SLC30A7: variants seen among roughly 807,000 people sequenced by gnomAD.
The protein encoded by SLC30A7 is zinc transporter 7.
SLC30A7 carries 35 observed loss-of-function variants against 46.0 expected under a neutral mutation model. The ratio of observed to expected loss-of-function variants is 0.76; its 90% CI spans 0.58 to 1.01. SLC30A7 has a LOEUF of 1.01. Ranked by LOEUF, SLC30A7 falls within the 50% of genes least tolerant of loss-of-function variation. The pLI is 0.00. For missense variants in SLC30A7, 464 were observed against 451.1 expected, an observed-to-expected ratio of 1.03 and a Z score of -0.26; for synonymous variants, 147 against 157.8, an observed-to-expected ratio of 0.93 and a Z score of 0.51.
intron 9 of SLC30A7, among the ~76,000 whole-genome samples, chr1:100,965,436 G>C (rs1377974149): frequency 6.6e-6 from 1 of 152,168 alleles, no homozygotes; most frequent in African/African-American, 2.4e-5. Context: ...TTAAGTTAAG[G>C]AAGTGTCCTT....
At chr1:100,973,063 A>G (rs1033111526) in intron 10 of SLC30A7, among the ~76,000 whole-genome samples, 1 of 151,798 alleles carries the variant, frequency 6.6e-6, no homozygotes, top group Non-Finnish European at 1.5e-5. Flanking sequence ...CACAGGAAAA[A>G]AAAAAAGAAA....
chr1:100,988,652 C>T, the SLC30A7 span, among the ~76,000 whole-genome samples: 2 of 151,644 alleles, frequency 1.3e-5, no homozygotes, highest in South Asian at 2.1e-4. Context: ...TCAAGACCAG[C>T]CTGGCCAACA....
At chr1:100,949,663 C>T (rs1434153000) in intron 8 of SLC30A7, among the ~76,000 whole-genome samples, 2 of 152,146 alleles carry the variant, frequency 1.3e-5, no homozygotes, top group Non-Finnish European at 2.9e-5. Context: ...CTGCGGTGGG[C>T]CCCTCCCAGT....
chr1:100,959,929 A>G (rs747513033), intron 8 of SLC30A7, among the ~76,000 whole-genome samples: 1 of 152,196 alleles, frequency 6.6e-6, no homozygotes, highest in African/African-American at 2.4e-5. Flanking sequence ...AGATACGGAT[A>G]TTATTGTGGA....
chr1:100,911,979 T>A (rs1006284288), intron 4 of SLC30A7, 133 bp from the exon 5 acceptor site: 29 of 726,164 alleles, frequency 4.0e-5, no homozygotes, highest in Non-Finnish European at 6.4e-5. Flanking sequence ...TTCTATCAAC[T>A]GTTTTGGGAG....
In SLC30A7 at chr1:100,909,840, C is replaced by T. The variant is rs530234019; in HGVS notation, c.297-1223C>T. ...CAGTCAAGCATTAGTTATGGGACTACAAGGGTAGATTAAAAGAAAATACTT... is the reference window on the plus strand; with the variant it reads ...CAGTCAAGCATTAGTTATGGGACTATAAGGGTAGATTAAAAGAAAATACTT... On this transcript the variant is annotated intron_variant, in intron 3 of 10. Transcript: ENST00000357650. Among the ~76,000 whole-genome samples the T allele has an allele frequency of 6.6e-5, 10 of 152,102 alleles. No homozygotes were observed. In the South Asian group the frequency reaches 2.1e-3, roughly 32 times the overall value.
chr1:100,929,858 T>C lies in SLC30A7; in HGVS notation c.842+8017T>C, dbSNP rs565889129. ...TGTAAGAGTGTGATTTTTTATTTTC[T>C]GAAAATATGATTCCTATAAGAGCTT... On this transcript the variant is annotated intron_variant, in intron 8 of 10. Transcript: ENST00000357650. 1.4e-4 allele frequency among the ~76,000 whole-genome samples: 21 copies of C among 152,256 alleles called. No individual in the cohort carries two copies. The East Asian group carries it at 3.9e-3, about 28-fold the overall frequency.
intron 2 of SLC30A7, among the ~76,000 whole-genome samples, chr1:100,899,439 T>A (rs1651165310): frequency 6.6e-6 from 1 of 152,248 alleles, no homozygotes; most frequent in Non-Finnish European, 1.5e-5. Context: ...GTATTTTATT[T>A]TTCATTTACT....
At chr1:100,920,884 ATGTT>A (rs796862115) in intron 7 of SLC30A7, among the ~76,000 whole-genome samples, 23 of 146,788 alleles carry the variant, frequency 1.6e-4, no homozygotes, top group Middle Eastern at 3.4e-3. Flanking sequence ...GTTTAAAAGA[ATGTT>A]TGTGGTATAG....
At chr1:100,929,474 A>G (rs559546229) in intron 8 of SLC30A7, among the ~76,000 whole-genome samples, 2 of 152,260 alleles carry the variant, frequency 1.3e-5, no homozygotes, top group African/African-American at 2.4e-5. Flanking sequence ...GAAATAGTGA[A>G]AACTCTTAAA....
At chr1:100,972,886 T>G (rs1656238240) in intron 10 of SLC30A7, among the ~76,000 whole-genome samples, 2 of 152,210 alleles carry the variant, frequency 1.3e-5, no homozygotes, top group South Asian at 4.1e-4. Flanking sequence ...GGCTGGTGTT[T>G]ATCAATGCTT....
intron 10 of SLC30A7, among the ~76,000 whole-genome samples, chr1:100,968,702 C>T (rs1161164785): frequency 1.3e-5 from 2 of 152,160 alleles, no homozygotes; most frequent in African/African-American, 2.4e-5. Context: ...GTTACTTTCT[C>T]TCTGAAGCCT....
chr1:100,993,237 G>T, the SLC30A7 span, among the ~76,000 whole-genome samples: 2 of 151,942 alleles, frequency 1.3e-5, no homozygotes, highest in African/African-American at 4.8e-5. Context: ...CAGGCTTGCC[G>T]AACTATCATA....
intron 8 of SLC30A7, among the ~76,000 whole-genome samples, chr1:100,945,964 G>A (rs1480476173): frequency 2.6e-5 from 4 of 152,184 alleles, no homozygotes; most frequent in African/African-American, 9.7e-5. Flanking sequence ...ATTTCATTGA[G>A]CAGTGGTTTG....
In SLC30A7 at chr1:100,950,081, C is replaced by G. The variant is rs1396816420; in HGVS notation, c.843-11747C>G. Among the ~76,000 whole-genome samples, 3 of 152,316 alleles carry G rather than the reference C, an allele frequency of 2.0e-5. No homozygotes were observed. The East Asian group carries it at 5.8e-4, about 29-fold the overall frequency. ...ACTTCAGTTGGAAATGCAGGAATCA[C>G]CCGTCTTCTGCGTCGATCACGCTGG... On this transcript the variant is annotated intron_variant, in intron 8 of 10. Coordinates refer to ENST00000357650, the MANE Select transcript of SLC30A7 (RefSeq NM_133496.5).
chr1:100,916,357 T>C (rs900771274), intron 6 of SLC30A7, among the ~76,000 whole-genome samples: 1 of 152,096 alleles, frequency 6.6e-6, no homozygotes, highest in African/African-American at 2.4e-5. Flanking sequence ...AGCTAACTTT[T>C]TGTATTTTTA....
intron 10 of SLC30A7, among the ~76,000 whole-genome samples, chr1:100,970,182 G>T (rs1656079776): frequency 6.6e-6 from 1 of 151,930 alleles, no homozygotes; most frequent in African/African-American, 2.4e-5. Context: ...TCAATAATAA[G>T]TTATAGCTTT....
chr1:100,948,566 T>C (rs1457373703), intron 8 of SLC30A7, among the ~76,000 whole-genome samples: 1 of 152,214 alleles, frequency 6.6e-6, no homozygotes, highest in Non-Finnish European at 1.5e-5. Flanking sequence ...GTTCTTTATA[T>C]TTCCTGAATT....
Position 100,965,806 on chromosome 1 carries a change from A to T in SLC30A7, c.971A>T (p.Gln324Leu), listed in dbSNP as rs769638568. 3.1e-6 allele frequency: 5 copies of T among 1,613,796 alleles called. No homozygotes were observed. In the African/African-American group the frequency reaches 6.7e-5, roughly 22 times the overall value. The part of the protein sequence containing the change: ...QLQGVYSLQE[Q>L]HFWTLCSDVY... ...CAAGGAGTTTACAGTTTACAGGAAC[A>T]GCACTTCTGGACTTTATGTTCTGAC... is the stretch of plus-strand genomic sequence containing the variant. Residue 324 changes from glutamine to leucine, a missense_variant, in exon 10 of 11, where the codon CAG (glutamine) becomes CTG (leucine). Coordinates refer to ENST00000357650, the MANE Select transcript of SLC30A7 (RefSeq NM_133496.5).
Sources: allele counts gnomAD v4.1 joint callset (sites outside exome capture counted in the v4.1 genomes callset), GRCh38; gene constraint gnomAD v4.1.1; transcripts MANE v1.5; gene names NCBI Gene and HGNC (gene_info 2026-07-23, HGNC 2026-07-21).